LUZP2: variants seen among roughly 807,000 people sequenced by gnomAD.
LUZP2 encodes leucine zipper protein 2.
A neutral mutation model predicts 51.6 loss-of-function variants in LUZP2; 52 were observed. The ratio of observed to expected loss-of-function variants is 1.01; its 90% CI spans 0.81 to 1.27. LUZP2 has a LOEUF of 1.27. Among genes scored for constraint, LUZP2 ranks in the 50% most tolerant of loss-of-function variants. The pLI, the probability that LUZP2 is intolerant of heterozygous loss-of-function variation, is 0.00. For missense variants in LUZP2, 436 were observed against 395.4 expected (o/e 1.10, Z -0.87); for synonymous variants, 154 against 137.3 (o/e 1.12, Z -0.85).
intron 9 of LUZP2, among the ~76,000 whole-genome samples, chr11:25,030,962 A>ATATAATATATATTATATATT (rs1395052997): frequency 7.0e-4 from 1 of 1,424 alleles, no homozygotes; most frequent in South Asian, 0.024. Context: ...TATATAATAC[A>ATATAATATATATTATATATT]ATATATATTA....
chr11:25,040,383 C>T (rs529170079), intron 9 of LUZP2, among the ~76,000 whole-genome samples: 1 of 107,448 alleles, frequency 9.3e-6, no homozygotes, highest in Admixed American at 1.0e-4. Flanking sequence ...ACAGAATACC[C>T]CTGGGGAAAT....
chr11:24,715,243 A>G (rs1857991564), intron 1 of LUZP2, among the ~76,000 whole-genome samples: 1 of 147,002 alleles, frequency 6.8e-6, no homozygotes, highest in Non-Finnish European at 1.5e-5. Flanking sequence ...AGATTATGGT[A>G]TCCAATTCAA....
At chr11:24,865,689 G>A (rs1010179082) in intron 5 of LUZP2, among the ~76,000 whole-genome samples, 3 of 150,358 alleles carry the variant, frequency 2.0e-5, no homozygotes, top group Non-Finnish European at 4.4e-5. Flanking sequence ...TGTGTGTTGT[G>A]TGTATATGTT....
In LUZP2 at chr11:24,717,054, G is replaced by A. The variant is rs369158301; in HGVS notation, c.63-12115G>A. Among the ~76,000 whole-genome samples the A allele has an allele frequency of 2.6e-5, 4 of 152,002 alleles. No homozygotes were observed. In the South Asian group the frequency reaches 8.3e-4, roughly 32 times the overall value. ...AAATAAAGAAGTGGAGTGAATATATGACATGCATATTAAGAAGAGGCATGA... is the reference window on the plus strand; with the variant it reads ...AAATAAAGAAGTGGAGTGAATATATAACATGCATATTAAGAAGAGGCATGA... On this transcript the variant is annotated intron_variant, in intron 1 of 11. Transcript: ENST00000336930.
chr11:24,938,287 A>G (rs1397852870), intron 7 of LUZP2, among the ~76,000 whole-genome samples: 3 of 152,190 alleles, frequency 2.0e-5, no homozygotes, highest in Admixed American at 2.0e-4. Flanking sequence ...AAATGCAAAC[A>G]CCAACAGCTA....
At chr11:24,995,920 A>G (rs1000047814) in intron 9 of LUZP2, among the ~76,000 whole-genome samples, 1 of 151,800 alleles carries the variant, frequency 6.6e-6, no homozygotes, top group East Asian at 1.9e-4. Context: ...TACATGACCC[A>G]ATCTTTTTTT....
chr11:24,881,164 T>C (rs1165308986), intron 5 of LUZP2, among the ~76,000 whole-genome samples: 1 of 152,168 alleles, frequency 6.6e-6, no homozygotes. Flanking sequence ...TCATAACTTA[T>C]GAGTTTATTT....
At chr11:24,736,999 C>A (rs577330435) in intron 3 of LUZP2, among the ~76,000 whole-genome samples, 18 of 152,018 alleles carry the variant, frequency 1.2e-4, no homozygotes, top group Non-Finnish European at 2.1e-4. Context: ...GAAATTGGGA[C>A]TTGGACATCA....
At chr11:24,715,985 A>G (rs1858027835) in intron 1 of LUZP2, among the ~76,000 whole-genome samples, 2 of 152,276 alleles carry the variant, frequency 1.3e-5, no homozygotes, top group African/African-American at 2.4e-5. Context: ...TTATGAACCT[A>G]CTTTCTTGCT....
chr11:24,704,178 C>T (rs1296683654), intron 1 of LUZP2, among the ~76,000 whole-genome samples: 1 of 152,014 alleles, frequency 6.6e-6, no homozygotes, highest in African/African-American at 2.4e-5. Context: ...TATTTCTTTG[C>T]TTTAGCGTCT....
At chr11:25,039,086 C>T (rs1209220931) in intron 9 of LUZP2, among the ~76,000 whole-genome samples, 2 of 152,108 alleles carry the variant, frequency 1.3e-5, no homozygotes, top group Non-Finnish European at 2.9e-5. Context: ...GCTCCTTGGT[C>T]TTGGGGTTTG....
chr11:24,841,032 A>T (rs537470824), intron 5 of LUZP2, among the ~76,000 whole-genome samples: 1 of 152,122 alleles, frequency 6.6e-6, no homozygotes, highest in East Asian at 1.9e-4. Context: ...ATTGTTAACC[A>T]TGTAGTATGC....
intron 5 of LUZP2, among the ~76,000 whole-genome samples, chr11:24,798,031 T>G (rs1436071609): frequency 1.3e-5 from 2 of 152,064 alleles, no homozygotes; most frequent in Non-Finnish European, 2.9e-5. Flanking sequence ...ATAATCGAGT[T>G]TGGTTTTAGT....
At chr11:24,598,309 T>G (rs1853513455) in intron 1 of LUZP2, among the ~76,000 whole-genome samples, 2 of 151,990 alleles carry the variant, frequency 1.3e-5, no homozygotes, top group Non-Finnish European at 2.9e-5. Context: ...AATCAAAATG[T>G]TTTTTGTACA....
chr11:24,795,853 C>A (rs190926804), intron 5 of LUZP2, among the ~76,000 whole-genome samples: 6 of 152,208 alleles, frequency 3.9e-5, no homozygotes, highest in Admixed American at 6.6e-5. Context: ...ATACACTTGC[C>A]TGCCTAATCC....
intron 7 of LUZP2, among the ~76,000 whole-genome samples, chr11:24,972,905 G>A (rs1855784269): frequency 6.6e-6 from 1 of 151,854 alleles, no homozygotes; most frequent in East Asian, 1.9e-4. Flanking sequence ...TTGTATGTCT[G>A]CCACGTTTTG....
At chr11:24,773,223 A>G (rs935294050) in intron 5 of LUZP2, among the ~76,000 whole-genome samples, 1 of 129,852 alleles carries the variant, frequency 7.7e-6, no homozygotes. Context: ...ACTTAATTCC[A>G]ATATTGTCCC....
intron 9 of LUZP2, among the ~76,000 whole-genome samples, chr11:25,015,363 A>G (rs1857119838): frequency 1.3e-5 from 2 of 152,298 alleles, no homozygotes; most frequent in South Asian, 2.1e-4. Flanking sequence ...AGAAGTTAGC[A>G]TTTGTACAAT....
chr11:24,531,939 C>A (rs1172626963), intron 1 of LUZP2, among the ~76,000 whole-genome samples: 3 of 150,976 alleles, frequency 2.0e-5, no homozygotes, highest in Non-Finnish European at 4.5e-5. Flanking sequence ...CAGTCCAATA[C>A]ATATAGTTCT....
Sources: allele counts gnomAD v4.1 joint callset (sites outside exome capture counted in the v4.1 genomes callset), GRCh38; gene constraint gnomAD v4.1.1; transcripts MANE v1.5; gene names NCBI Gene and HGNC (gene_info 2026-07-23, HGNC 2026-07-21).